GRM6: variants seen among roughly 807,000 people sequenced by gnomAD.
The protein encoded by GRM6 is metabotropic glutamate receptor 6.
In GRM6, 73 loss-of-function variants were observed where a neutral mutation model predicts 78.4. The ratio of observed to expected loss-of-function variants is 0.93; its 90% CI spans 0.77 to 1.13. GRM6 has a LOEUF of 1.13. Ranked by LOEUF, GRM6 falls within the 50% of genes most tolerant of loss-of-function variation. The pLI is 0.00. For missense variants in GRM6, 1,251 were observed against 1,256.4 expected, an observed-to-expected ratio of 1.00 and a Z score of 0.07; for synonymous variants, 580 against 555.0, an observed-to-expected ratio of 1.05 and a Z score of -0.63.
chr5:178,984,099 A>T (rs114379370), intron 9 of GRM6, among the ~76,000 whole-genome samples: 5,359 of 152,238 alleles, frequency 0.035, 104 homozygotes, highest in South Asian at 0.074. Flanking sequence ...CCTTCCAAAT[A>T]AGTGGATCAC....
chr5:178,992,333 G>T lies in GRM6; in HGVS notation c.505-250C>A, dbSNP rs952194992. ...TGAATGCTGTGCAGGTGGGAGGTAT[G>T]CAGGGCTGGGGAGAGGGCAGGACCG... On this transcript the variant is annotated intron_variant, in intron 2 of 10. Transcript: ENST00000517717. This position sits in a 1 kb window ranked among gnomAD's most constrained non-coding sequence, Gnocchi z 4.9. 3.4e-5 allele frequency: 22 copies of T among 639,376 alleles called. No individual in the cohort carries two copies. The highest frequency in any genetic ancestry group is 6.1e-5 in the Non-Finnish European group (21 of 343,622). The allele number at this position is 639,376 out of a possible 1,614,324, so 39.6% of individuals were successfully genotyped here. A position where few individuals can be genotyped will look rare whatever the true frequency, so the allele number is the denominator to read the frequency against.
rs200256450 is a variant in GRM6 at position 178,991,563 on chromosome 5, G to A, written c.722-4C>T. On this transcript the variant is annotated splice_polypyrimidine_tract_variant and splice_region_variant and intron_variant, in intron 3 of 10. Transcript: ENST00000517717. This position sits in a 1 kb window ranked among gnomAD's most constrained non-coding sequence, Gnocchi z 5.0. ...GACTGGGCAATACAGACCCCCCCTG[G>A]GCGTTGGGGGTGCCAGAGTCAGCTT... The A allele has an allele frequency of 2.2e-4, 359 of 1,613,862 alleles. 4 individuals are homozygous for A. In the South Asian group the frequency reaches 3.7e-3, roughly 17 times the overall value.
chr5:178,985,565 T>A (rs566619905), intron 9 of GRM6: 30 of 338,514 alleles, frequency 8.9e-5, no homozygotes, highest in Admixed American at 4.4e-4. Context: ...TAGCCGGGCG[T>A]GGTGGCGGGC....
In GRM6 at chr5:178,980,886, G is replaced by A. The variant is rs143928542; in HGVS notation, c.*771C>T. ...GGACCTCAGGTGATCCACCTGCCTC[G>A]GCCTCCCAAAGTGCTGGGATTACAG... On this transcript the variant is annotated 3_prime_UTR_variant, in exon 11 of 11. Transcript: ENST00000517717. The surrounding 1 kb of genome is among the most constrained non-coding windows in gnomAD (Gnocchi z 4.3). 5,425 of 152,576 alleles carry A rather than the reference G, an allele frequency of 0.036. 169 individuals carry two copies. Among genetic ancestry groups the A allele is most frequent in the East Asian group, 0.14 (748 of 5,174 alleles). 9.5% of individuals were successfully genotyped at this position (152,576 alleles called of 1,614,324 possible).
Position 178,988,953 on chromosome 5 carries a change from G to A in GRM6, c.1336C>T (p.Arg446Ter), listed in dbSNP as rs764476239. 1.9e-5 allele frequency: 31 copies of A among 1,613,150 alleles called. 1 individual carries two copies. Among genetic ancestry groups the A allele is most frequent in the South Asian group, 1.8e-4 (16 of 91,000 alleles). ...TDGRMLLQYI[R>*]AVRFNGSAGT... is the part of the protein sequence containing the mutation. ...CACTCACCATTGAAGCGGACAGCTC[G>A]AATGTACTGCAGAAGCATCCGCCCA... Residue 446 changes from arginine (R) to a stop codon, truncating the protein, a stop_gained, in exon 7 of 11, where the codon CGA (arginine) becomes TGA (stop). Transcript: ENST00000517717. LOFTEE classifies it high-confidence loss of function. The surrounding 1 kb of genome is among the most constrained non-coding windows in gnomAD (Gnocchi z 6.0).
Position 178,991,888 on chromosome 5 carries a change from C to T in GRM6, c.700G>A (p.Val234Ile), listed in dbSNP as rs373706529. 16 of 1,613,926 alleles carry T rather than the reference C, an allele frequency of 9.9e-6. No homozygotes were observed. The highest frequency in any genetic ancestry group is 8.9e-5 in the East Asian group (4 of 44,866). Reference protein sequence around the residue: ...NYGESGVEAFVQISREAGGVC... With the variant: ...NYGESGVEAFIQISREAGGVC... ...TCACCAGCCTCTCGGGAGATCTGAA[C>T]GAAGGCCTCAACCCCACTTTCGCCA... The change falls in exon 3 of 11, where the codon GTT becomes ATT. Residue 234 changes from valine to isoleucine, a missense_variant. By Grantham distance (29) the Val-to-Ile change is conservative (BLOSUM62 3). Transcript: ENST00000517717. This position sits in a 1 kb window ranked among gnomAD's most constrained non-coding sequence, Gnocchi z 5.0.
In GRM6 at chr5:178,986,615, G is replaced by A. The variant is rs182751201; in HGVS notation, c.1639C>T (p.Arg547Cys). Residue 547 changes from arginine (R) to cysteine (C), a missense_variant, in exon 9 of 11, where the codon CGC becomes TGC. Coordinates refer to ENST00000517717, the MANE Select transcript of GRM6 (RefSeq NM_000843.4). ...CWHCEACDGY[R>C]FQVDEFTCEA... ...CATGTGAACTCGTCCACCTGGAAGCGGTACCCGTCACAGGCCTCGCAGTGC... is the reference window on the plus strand; with the variant it reads ...CATGTGAACTCGTCCACCTGGAAGCAGTACCCGTCACAGGCCTCGCAGTGC... The A allele has an allele frequency of 2.7e-4, 431 of 1,603,628 alleles. No individual in the cohort carries two copies. The highest frequency in any genetic ancestry group is 1.3e-3 in the Middle Eastern group (8 of 6,062).
Position 178,986,337 on chromosome 5 carries a change from G to A in GRM6, c.1917C>T (p.Phe639=). 1.9e-6 allele frequency: 3 copies of A among 1,614,140 alleles called. No individual in the cohort carries two copies. Among genetic ancestry groups the A allele is most frequent in the Non-Finnish European group, 1.7e-6 (2 of 1,180,004 alleles). Residue 639 remains phenylalanine, a synonymous_variant, in exon 9 of 11, where the codon TTC becomes TTT. Coordinates refer to ENST00000517717, the MANE Select transcript of GRM6 (RefSeq NM_000843.4). ...TGIFLIYAIT[F]LMVAEPGAAV... ...CGGCCCCAGGCTCAGCCACCATGAGGAAGGTGATGGCGTAGATGAGGAAGA... is the reference window on the plus strand; with the variant it reads ...CGGCCCCAGGCTCAGCCACCATGAGAAAGGTGATGGCGTAGATGAGGAAGA...
At position 178,991,306 on chromosome 5, in the gene GRM6, G is replaced by A. The variant is rs1760666848; in HGVS notation, c.857+118C>T. 1 of 1,024,136 alleles carries A rather than the reference G, an allele frequency of 9.8e-7. No individual in the cohort carries two copies. Among genetic ancestry groups the A allele is most frequent in the Non-Finnish European group, 1.5e-6 (1 of 654,526 alleles). 63.4% of individuals were successfully genotyped at this position (1,024,136 alleles called of 1,614,324 possible). A position where few individuals can be genotyped will look rare whatever the true frequency, so the allele number is the denominator to read the frequency against. Reference sequence around the variant, plus strand: ...AGAGGCAGCAGCAGGGAAGGTGGGGGGTGCGGGGAGCAGGGGAAAGGGAGG... The same window carrying A: ...AGAGGCAGCAGCAGGGAAGGTGGGGAGTGCGGGGAGCAGGGGAAAGGGAGG... On this transcript the variant is annotated intron_variant, in intron 4 of 10. Coordinates refer to ENST00000517717, the MANE Select transcript of GRM6 (RefSeq NM_000843.4). This position sits in a 1 kb window ranked among gnomAD's most constrained non-coding sequence, Gnocchi z 5.0.
rs369555190 is a variant in GRM6 at position 178,991,472 on chromosome 5, G to A, written c.809C>T (p.Thr270Met). 4.9e-5 allele frequency: 79 copies of A among 1,613,220 alleles called. No individual in the cohort carries two copies. In the Middle Eastern group the frequency reaches 8.3e-4, roughly 17 times the overall value. Residue 270 changes from threonine (T) to methionine (M), a missense_variant, in exon 4 of 11, where the codon ACG becomes ATG. Transcript: ENST00000517717. This position sits in a 1 kb window ranked among gnomAD's most constrained non-coding sequence, Gnocchi z 5.0. The part of the protein sequence containing the change: ...FSKVIRRLME[T>M]PNARGIIIFA... Reference sequence around the variant, plus strand: ...GATGATGATGCCCCGGGCGTTGGGCGTCTCCATGAGTCTCCTGATCACCTT... The same window carrying A: ...GATGATGATGCCCCGGGCGTTGGGCATCTCCATGAGTCTCCTGATCACCTT...
At chr5:178,985,634 C>G (rs534461397) in intron 9 of GRM6, 1 of 370,670 alleles carries the variant, frequency 2.7e-6, no homozygotes, top group Admixed American at 3.6e-5. Flanking sequence ...ACCCGGAAGG[C>G]AGAGCTTGCA....
rs1033423697 is a variant in GRM6 at position 178,989,465 on chromosome 5, T to A, written c.1013-60A>T. On this transcript the variant is annotated intron_variant, in intron 5 of 10. Coordinates refer to ENST00000517717, the MANE Select transcript of GRM6 (RefSeq NM_000843.4). ...ACCTGAGCCAGCTGTGTTTCTCCTG[T>A]GTCTCTCTGCCACTTGCTCACTTTC... The A allele has an allele frequency of 2.7e-5, 43 of 1,608,562 alleles. No homozygotes were observed. The Admixed American group carries it at 6.2e-4, about 23-fold the overall frequency.
chr5:178,986,361 G>C lies in GRM6; in HGVS notation c.1893C>G (p.Ile631Met). The C allele has an allele frequency of 4.3e-6, 7 of 1,614,140 alleles. No homozygotes were observed. Among genetic ancestry groups the C allele is most frequent in the African/African-American group, 1.3e-5 (1 of 75,078 alleles). ...GGAAGGTGATGGCGTAGATGAGGAA[G>C]ATGCCGGTGAGGAGGACGTAGCTGA... ...RELSYVLLTG[I>M]FLIYAITFLM... Residue 631 changes from isoleucine (I) to methionine (M), a missense_variant, in exon 9 of 11, where the codon ATC becomes ATG. Physicochemically the swap from Ile to Met is conservative, Grantham distance 10. Transcript: ENST00000517717.
chr5:178,985,451 C>G (rs1028909096), intron 9 of GRM6, among the ~76,000 whole-genome samples: 6 of 151,538 alleles, frequency 4.0e-5, no homozygotes, highest in African/African-American at 1.2e-4. Flanking sequence ...CGCCTGTCAT[C>G]CCAGCACTTT....
intron 5 of GRM6, chr5:178,989,711 GAA>G: frequency 9.4e-5 from 45 of 480,180 alleles, no homozygotes; most frequent in Admixed American, 2.7e-4. Flanking sequence ...CTCACCATTT[GAA>G]AGACTTTTAT....
chr5:178,982,944 G>A lies in GRM6; in HGVS notation c.2402C>T (p.Pro801Leu), dbSNP rs1174592722. 2 of 1,614,048 alleles carry A rather than the reference G, an allele frequency of 1.2e-6. No individual in the cohort carries two copies. The highest frequency in any genetic ancestry group is 2.7e-5 in the African/African-American group (2 of 74,938). Residue 801 changes from proline (P) to leucine (L), a missense_variant, in exon 10 of 11, where the codon CCC becomes CTC. Coordinates refer to ENST00000517717, the MANE Select transcript of GRM6 (RefSeq NM_000843.4). ...TTCIIWLAFV[P>L]IFFGTAQSAE... is the part of the protein sequence containing the mutation. The stretch of plus-strand genomic sequence containing the variant: ...TGACTGGGCAGTGCCAAAGAAGATG[G>A]GCACGAATGCCAGCCAGATGATGCA...
Position 178,991,450 on chromosome 5 carries a change from G to A in GRM6, c.831C>T (p.Ile277=), listed in dbSNP as rs1448056585. The stretch of plus-strand genomic sequence containing the variant: ...TGATGTCATCCTCATTGGCAAAGAT[G>A]ATGATGCCCCGGGCGTTGGGCGTCT... ...LMETPNARGI[I]IFANEDDIRR... is the part of the protein sequence containing the mutation. The change falls in exon 4 of 11, where the codon ATC becomes ATT. Residue 277 remains isoleucine, a synonymous_variant. Transcript: ENST00000517717. The surrounding 1 kb of genome is among the most constrained non-coding windows in gnomAD (Gnocchi z 5.0). The A allele has an allele frequency of 5.0e-6, 8 of 1,613,936 alleles. No individual in the cohort carries two copies. The highest frequency in any genetic ancestry group is 1.7e-5 in the Admixed American group (1 of 60,002).
At chr5:178,985,462 G>T (rs1449410891) in intron 9 of GRM6, among the ~76,000 whole-genome samples, 2 of 151,660 alleles carry the variant, frequency 1.3e-5, no homozygotes, top group African/African-American at 2.4e-5. Flanking sequence ...CCAGCACTTT[G>T]GGAGGCCGAG....
At chr5:178,982,762 A>G (rs973156883) in intron 10 of GRM6, 148 bp downstream of exon 10, 3 of 655,086 alleles carry the variant, frequency 4.6e-6, no homozygotes, top group Non-Finnish European at 8.4e-6. Flanking sequence ...AAGTGAATGA[A>G]TGAACAAAGT....
Sources: gnomAD v4.1 joint callset for allele counts (sites outside exome capture counted in the v4.1 genomes callset) on GRCh38, gnomAD v4.1.1 for gene constraint, Gnocchi (gnomAD v3.1) non-coding constraint, MANE v1.5 for transcripts, NCBI Gene and HGNC (gene_info 2026-07-23, HGNC 2026-07-21) for gene names.